SKAP1: variants seen among roughly 807,000 people sequenced by gnomAD.
SKAP1 encodes the protein src kinase-associated phosphoprotein 1.
In SKAP1, 44 loss-of-function variants were observed where a neutral mutation model predicts 58.5. The observed-to-expected ratio is 0.75, with a 90% CI of 0.59 to 0.97. SKAP1 has a LOEUF of 0.97. SKAP1 is among the 50% of genes least tolerant of loss of function. SKAP1 has a pLI of 0.00. For synonymous variants in SKAP1, 127 were observed against 149.7 expected (o/e 0.85, Z 1.11); for missense variants, 390 against 435.2 (o/e 0.90, Z 0.92).
chr17:48,256,115 C>T (rs2065420699), intron 4 of SKAP1, among the ~76,000 whole-genome samples: 4 of 151,976 alleles, frequency 2.6e-5, no homozygotes, highest in Admixed American at 1.3e-4. Flanking sequence ...CATCCCCATG[C>T]ATTTGTCACT....
At chr17:48,340,279 T>C in intron 4 of SKAP1, among the ~76,000 whole-genome samples, 1 of 152,166 alleles carries the variant, frequency 6.6e-6, no homozygotes, top group East Asian at 1.9e-4. Context: ...GGAATAGGAT[T>C]TCAGTTCATT....
intron 4 of SKAP1, among the ~76,000 whole-genome samples, chr17:48,270,972 C>A (rs1238822846): frequency 1.3e-5 from 2 of 149,834 alleles, no homozygotes; most frequent in African/African-American, 2.5e-5. Context: ...GGGAGGGGGG[C>A]ATGAACATAT....
chr17:48,395,538 T>C (rs1447990919), intron 2 of SKAP1, among the ~76,000 whole-genome samples: 1 of 152,218 alleles, frequency 6.6e-6, no homozygotes, highest in Admixed American at 6.5e-5. Context: ...TCTCCAGGTA[T>C]GTAACTAAGC....
chr17:48,226,835 A>G (rs1477284745), intron 4 of SKAP1, among the ~76,000 whole-genome samples: 3 of 152,158 alleles, frequency 2.0e-5, no homozygotes, highest in East Asian at 3.8e-4. Flanking sequence ...GGGATGTGCT[A>G]TTTAGGGTGA....
upstream of SKAP1, among the ~76,000 whole-genome samples, chr17:48,430,823 C>G (rs2067909489): frequency 6.6e-6 from 1 of 152,174 alleles, no homozygotes; most frequent in Non-Finnish European, 1.5e-5. Flanking sequence ...GAAGGGGTAA[C>G]ACAGGGAGAA....
At chr17:48,273,270 A>G (rs2065657031) in intron 4 of SKAP1, among the ~76,000 whole-genome samples, 1 of 152,170 alleles carries the variant, frequency 6.6e-6, no homozygotes, top group Admixed American at 6.5e-5. Flanking sequence ...GCCATCAAGC[A>G]TACCAGAAAT....
chr17:48,248,911 A>G (rs2065329085), intron 4 of SKAP1: 1 of 152,168 alleles, frequency 6.6e-6, no homozygotes, highest in Non-Finnish European at 1.5e-5. Flanking sequence ...AGAACATTTA[A>G]TTAGGCCGGC....
At chr17:48,338,005 C>T (rs1328365441) in intron 4 of SKAP1, among the ~76,000 whole-genome samples, 2 of 151,480 alleles carry the variant, frequency 1.3e-5, no homozygotes, top group Non-Finnish European at 1.5e-5. Context: ...TCCTACCTTC[C>T]TTCCTTCTTT....
intron 4 of SKAP1, chr17:48,308,536 A>C (rs1298412435): frequency 6.6e-6 from 1 of 152,156 alleles, no homozygotes; most frequent in Non-Finnish European, 1.5e-5. Flanking sequence ...AATATTACAT[A>C]TTTCCTTTTT....
chr17:48,404,098 A>AC (rs1370655799), intron 1 of SKAP1, among the ~76,000 whole-genome samples: 20 of 150,292 alleles, frequency 1.3e-4, no homozygotes, highest in African/African-American at 4.9e-4. Context: ...CGGAAAAAAA[A>AC]AAAAAAAATA....
chr17:48,225,630 G>A (rs1392509090), intron 4 of SKAP1, among the ~76,000 whole-genome samples: 2 of 152,102 alleles, frequency 1.3e-5, no homozygotes, highest in South Asian at 4.1e-4. Flanking sequence ...ATGGAAAAAA[G>A]CTTTTTCTCC....
intron 4 of SKAP1, among the ~76,000 whole-genome samples, chr17:48,197,277 A>AAAT (rs60269878): frequency 2.7e-5 from 4 of 148,386 alleles, no homozygotes; most frequent in Non-Finnish European, 6.0e-5. Flanking sequence ...AAAAAAAAAA[A>AAAT]TGCTGATTGG....
At chr17:48,260,104 A>G (rs1239213355) in intron 4 of SKAP1, among the ~76,000 whole-genome samples, 1 of 152,202 alleles carries the variant, frequency 6.6e-6, no homozygotes, top group Admixed American at 6.6e-5. Context: ...AAAAGTGAGC[A>G]GCATGGATGA....
At chr17:48,228,348 C>T (rs1392354594) in intron 4 of SKAP1, among the ~76,000 whole-genome samples, 1 of 152,212 alleles carries the variant, frequency 6.6e-6, no homozygotes, top group Non-Finnish European at 1.5e-5. Context: ...TGTTAATAAA[C>T]CTCCCATAGA....
At chr17:48,194,852 A>G (rs1411852802) in intron 4 of SKAP1, among the ~76,000 whole-genome samples, 1 of 152,190 alleles carries the variant, frequency 6.6e-6, no homozygotes, top group Non-Finnish European at 1.5e-5. Context: ...TGAATTTCAG[A>G]CAGGGTGAAG....
At chr17:48,349,662 C>T (rs1323090005) in intron 3 of SKAP1, among the ~76,000 whole-genome samples, 4 of 152,120 alleles carry the variant, frequency 2.6e-5, no homozygotes, top group African/African-American at 9.7e-5. Flanking sequence ...TATTCAATGG[C>T]AGGTTCTCCA....
At chr17:48,179,260 A>G (rs747327929) in intron 9 of SKAP1, among the ~76,000 whole-genome samples, 1 of 152,282 alleles carries the variant, frequency 6.6e-6, no homozygotes, top group Middle Eastern at 3.4e-3. Flanking sequence ...ATCTTTCTGA[A>G]TGGACTTGAA....
intron 11 of SKAP1, among the ~76,000 whole-genome samples, chr17:48,153,742 C>T (rs2063933119): frequency 6.6e-6 from 1 of 151,822 alleles, no homozygotes; most frequent in Non-Finnish European, 1.5e-5. Context: ...TGCCCCAGGC[C>T]TATATTCTCC....
intron 12 of SKAP1, among the ~76,000 whole-genome samples, chr17:48,135,465 TACAAC>T (rs771680355): frequency 2.5e-4 from 38 of 152,174 alleles, no homozygotes; most frequent in Non-Finnish European, 4.9e-4. Flanking sequence ...TTCTTGCTAA[TACAAC>T]ACAAACCTAT....
Sources: gnomAD v4.1 joint callset for allele counts (sites outside exome capture counted in the v4.1 genomes callset) on GRCh38, gnomAD v4.1.1 for gene constraint, MANE v1.5 for transcripts, NCBI Gene and HGNC (gene_info 2026-07-23, HGNC 2026-07-21) for gene names.